Variants in EGLN1 observed in about 807,000 individuals in gnomAD.
EGLN1 encodes egl-9 family hypoxia inducible factor 1.
EGLN1 carries 17 observed loss-of-function variants against 38.3 expected under a neutral mutation model. That is an observed-to-expected ratio of 0.44 (90% CI 0.30 to 0.67). The LOEUF (loss-of-function observed/expected upper bound fraction) is 0.67, where lower values mean the gene tolerates loss of function less well. Among genes scored for constraint, EGLN1 ranks in the 30% least tolerant of loss-of-function variants. EGLN1 has a pLI of 0.08. For missense variants in EGLN1, 477 were observed against 603.3 expected, an observed-to-expected ratio of 0.79 and a Z score of 2.19; for synonymous variants, 283 against 257.5, an observed-to-expected ratio of 1.10 and a Z score of -0.95.
At chr1:231,416,475 C>T (rs1166916175) in intron 1 of EGLN1, among the ~76,000 whole-genome samples, 2 of 148,816 alleles carry the variant, frequency 1.3e-5, no homozygotes, top group East Asian at 3.9e-4. Context: ...TGTTCTATCA[C>T]CTGGGCTCAA....
At chr1:231,386,522 T>C (rs952871058) in intron 1 of EGLN1, among the ~76,000 whole-genome samples, 5 of 151,496 alleles carry the variant, frequency 3.3e-5, no homozygotes, top group Admixed American at 6.6e-5. Flanking sequence ...TTAATGTTAT[T>C]TGTTTTTTCA....
intron 1 of EGLN1, among the ~76,000 whole-genome samples, chr1:231,383,057 C>CAAAAAAA (rs547747077): frequency 1.1e-4 from 8 of 70,554 alleles, no homozygotes; most frequent in African/African-American, 3.8e-4. Flanking sequence ...AACTCTGTCT[C>CAAAAAAA]AAAAAAAAAA....
intron 1 of EGLN1, among the ~76,000 whole-genome samples, chr1:231,398,256 GGAAA>G (rs886078970): frequency 3.1e-4 from 47 of 152,204 alleles, no homozygotes; most frequent in African/African-American, 1.1e-3. Context: ...TAATTTAAAA[GGAAA>G]GAAAGAAAGA....
At chr1:231,411,863 G>A (rs1688957022) in intron 1 of EGLN1, among the ~76,000 whole-genome samples, 1 of 151,630 alleles carries the variant, frequency 6.6e-6, no homozygotes, top group Admixed American at 6.6e-5. Context: ...GCCAGGTGTG[G>A]TGGTGGGCAC....
chr1:231,389,029 T>C (rs543762449), intron 1 of EGLN1, among the ~76,000 whole-genome samples: 18 of 152,260 alleles, frequency 1.2e-4, no homozygotes, highest in African/African-American at 1.7e-4. Context: ...CCTTTCTCAA[T>C]AGGAAAATAT....
intron 1 of EGLN1, among the ~76,000 whole-genome samples, chr1:231,398,240 G>A (rs1688580160): frequency 6.6e-6 from 1 of 152,204 alleles, no homozygotes; most frequent in Admixed American, 6.5e-5. Context: ...ATACTAGAAG[G>A]AATGGTAATT....
intron 1 of EGLN1, among the ~76,000 whole-genome samples, chr1:231,400,512 T>C (rs1688639523): frequency 1.3e-5 from 2 of 152,178 alleles, no homozygotes; most frequent in Admixed American, 6.5e-5. Flanking sequence ...AAGGTTAATA[T>C]GAACTTTACT....
At chr1:231,406,054 A>C (rs1688783524) in intron 1 of EGLN1, among the ~76,000 whole-genome samples, 1 of 106,384 alleles carries the variant, frequency 9.4e-6, no homozygotes, top group Non-Finnish European at 1.7e-5. Flanking sequence ...TTTTTAATTC[A>C]GGTAGGCTGA....
At chr1:231,381,729 A>G (rs1334587550) in intron 1 of EGLN1, among the ~76,000 whole-genome samples, 1 of 152,208 alleles carries the variant, frequency 6.6e-6, no homozygotes, top group East Asian at 1.9e-4. Context: ...GAAACACATT[A>G]TATTTTGAGC....
intron 3 of EGLN1, chr1:231,369,510 G>GGCACAA: frequency 1.1e-6 from 1 of 944,360 alleles, no homozygotes; most frequent in Non-Finnish European, 1.3e-6. Flanking sequence ...GATTGAAAAG[G>GGCACAA]GCACATCATG....
intron 3 of EGLN1, among the ~76,000 whole-genome samples, chr1:231,368,766 A>G (rs1206250083): frequency 6.6e-6 from 1 of 152,204 alleles, no homozygotes; most frequent in Non-Finnish European, 1.5e-5. Context: ...TTTTGAAGTA[A>G]AGAGTCTGGG....
At chr1:231,387,259 CCCT>C (rs1178901454) in intron 1 of EGLN1, among the ~76,000 whole-genome samples, 5 of 151,318 alleles carry the variant, frequency 3.3e-5, no homozygotes, top group African/African-American at 1.2e-4. Flanking sequence ...ACACACACCC[CCCT>C]AATTAAATAA....
Position 231,366,332 on chromosome 1 carries a change from T to C in EGLN1, c.*79A>G. The C allele has an allele frequency of 6.7e-7, 1 of 1,485,192 alleles. No individual in the cohort carries two copies. Among genetic ancestry groups the C allele is most frequent in the Non-Finnish European group, 9.4e-7 (1 of 1,068,082 alleles). 92.0% of individuals were successfully genotyped at this position (1,485,192 alleles called of 1,614,324 possible). A position where few individuals can be genotyped will look rare whatever the true frequency, so the allele number is the denominator to read the frequency against. On this transcript the variant is annotated 3_prime_UTR_variant, in exon 5 of 5. Transcript: ENST00000366641. ...CGAACTGGTTGTCTATTTTTCTTTA[T>C]CCCATTTATTCGTATTCACAAGTTA...
chr1:231,376,107 G>A (rs1287337806), intron 1 of EGLN1, among the ~76,000 whole-genome samples: 1 of 152,092 alleles, frequency 6.6e-6, no homozygotes, highest in African/African-American at 2.4e-5. Context: ...AAGAGAAAAG[G>A]TCCCTTGCAC....
chr1:231,370,694 C>T lies in EGLN1; in HGVS notation c.1016G>A (p.Ser339Asn). The change falls in exon 3 of 5, where the codon AGT (serine) becomes AAT (asparagine). Residue 339 changes from serine to asparagine, a missense_variant. This residue lies in a region of EGLN1 where 59 missense variants were observed against 119.0 expected (regional missense o/e 0.50). Transcript: ENST00000366641. ...TGGAAAAATTCGAAGTATACCTCCACTTACCTAGGAAAAGAGCCAAATATG... is the reference window on the plus strand; with the variant it reads ...TGGAAAAATTCGAAGTATACCTCCATTTACCTAGGAAAAGAGCCAAATATG... ...YLNKDWDAKV[S>N]GGILRIFPEG... 2 of 1,614,060 alleles carry T rather than the reference C, an allele frequency of 1.2e-6. No individual in the cohort carries two copies. Among genetic ancestry groups the T allele is most frequent in the Non-Finnish European group, 1.7e-6 (2 of 1,180,012 alleles).
chr1:231,369,555 AT>A, intron 3 of EGLN1: 1 of 985,300 alleles, frequency 1.0e-6, no homozygotes, highest in Non-Finnish European at 1.2e-6. Flanking sequence ...TCCATTCAGG[AT>A]TTCTTACAAT....
In EGLN1 at chr1:231,421,247, G is replaced by A. The variant is rs145743493; in HGVS notation, c.642C>T (p.Leu214=). 3 of 1,613,872 alleles carry A rather than the reference G, an allele frequency of 1.9e-6. No homozygotes were observed. Among genetic ancestry groups the A allele is most frequent in the Non-Finnish European group, 1.7e-6 (2 of 1,180,014 alleles). The change falls in exon 1 of 5, where the codon CTC becomes CTT. Residue 214 remains leucine (L), a synonymous_variant. Transcript: ENST00000366641. The surrounding 1 kb of genome is among the most constrained non-coding windows in gnomAD (Gnocchi z 5.5). The part of the protein sequence containing the change: ...KHGICVVDDF[L]GKETGQQIGD... ...CGATCTGCTGTCCGGTCTCCTTGCC[G>A]AGGAAGTCGTCCACCACACAGATGC...
chr1:231,371,824 A>C (rs1392803247), intron 2 of EGLN1, among the ~76,000 whole-genome samples: 2 of 152,040 alleles, frequency 1.3e-5, no homozygotes, highest in Non-Finnish European at 2.9e-5. Context: ...AAATTTAAAG[A>C]AACTCTAACA....
chr1:231,421,844 C>T lies in EGLN1; in HGVS notation c.45G>A (p.Glu15=). The change falls in exon 1 of 5, where the codon GAG becomes GAA. Residue 15 remains glutamate (E), a synonymous_variant. Coordinates refer to ENST00000366641, the MANE Select transcript of EGLN1 (RefSeq NM_022051.3). The surrounding 1 kb of genome is among the most constrained non-coding windows in gnomAD (Gnocchi z 5.5). ...ACAGCTCGCAGTACTGCCGGTCTCG[C>T]TCGCTCGGGCTCGGCCCGCCGGGCC... ...SGGPGGPSPS[E]RDRQYCELCG... 1 of 1,504,120 alleles carries T rather than the reference C, an allele frequency of 6.6e-7. No homozygotes were observed. The highest frequency in any genetic ancestry group is 8.8e-7 in the Non-Finnish European group (1 of 1,135,548). The allele number at this position is 1,504,120 out of a possible 1,614,324, so 93.2% of individuals were successfully genotyped here.
Sources: allele counts gnomAD v4.1 joint callset (sites outside exome capture counted in the v4.1 genomes callset), GRCh38; gene constraint gnomAD v4.1.1; regional missense constraint gnomAD v4.1.1; non-coding constraint Gnocchi (gnomAD v3.1); transcripts MANE v1.5; gene names NCBI Gene and HGNC (gene_info 2026-07-23, HGNC 2026-07-21).